Variants in DCUN1D1 observed in about 807,000 individuals in gnomAD.
DCUN1D1 encodes DCN1-like protein 1.
Under a neutral mutation model 39.0 loss-of-function variants are expected in DCUN1D1, and 3 were observed. That is an observed-to-expected ratio of 0.08 (90% CI 0.04 to 0.20). The LOEUF is 0.20. Among genes scored for constraint, DCUN1D1 ranks in the 10% least tolerant of loss-of-function variants. The probability of loss-of-function intolerance (pLI) is 1.00; values close to 1 mark genes in which losing one functional copy is unlikely to be tolerated. For synonymous variants in DCUN1D1, 82 were observed against 96.3 expected (o/e 0.85, Z 0.87); for missense variants, 158 against 302.4 (o/e 0.52, Z 3.54).
At chr3:182,951,696 C>CTT (rs1316828811) in intron 4 of DCUN1D1, among the ~76,000 whole-genome samples, 14 of 109,388 alleles carry the variant, frequency 1.3e-4, no homozygotes, top group African/African-American at 1.7e-4. Flanking sequence ...AAGATAATTT[C>CTT]TTTTTTTTTT....
At chr3:182,977,766 G>A (rs1015147783) in intron 1 of DCUN1D1, among the ~76,000 whole-genome samples, 2 of 151,880 alleles carry the variant, frequency 1.3e-5, no homozygotes, top group Non-Finnish European at 2.9e-5. Context: ...TCAGGCTGGC[G>A]TGGTGGCTCA....
chr3:182,984,788 C>A (rs1166851081), upstream of DCUN1D1, among the ~76,000 whole-genome samples: 1 of 152,192 alleles, frequency 6.6e-6, no homozygotes, highest in Non-Finnish European at 1.5e-5. Context: ...GTAAAGATTT[C>A]ATACTTCTAG....
intron 6 of DCUN1D1, among the ~76,000 whole-genome samples, chr3:182,945,822 T>C (rs1726368806): frequency 1.3e-5 from 2 of 152,192 alleles, no homozygotes; most frequent in Admixed American, 6.5e-5. Context: ...CACATTCACA[T>C]GCCCATCACC....
rs1441392624 is a variant in DCUN1D1 at position 182,956,410 on chromosome 3, CAAT to C, written c.520+4813_520+4815del. ...TAACACAAAATAACAACAACAACAACAATAAAACACAGAATGTGGAGTCATAAG... is the reference window on the plus strand; with the variant it reads ...TAACACAAAATAACAACAACAACAACAAAACACAGAATGTGGAGTCATAAG... On this transcript the variant is annotated intron_variant, in intron 4 of 6. Coordinates refer to ENST00000292782, the MANE Select transcript of DCUN1D1 (RefSeq NM_020640.4). The C allele has an allele frequency of 3.5e-5, 7 of 200,110 alleles. No homozygotes were observed. The East Asian group carries it at 7.0e-4, about 20-fold the overall frequency. 12.4% of individuals were successfully genotyped at this position (200,110 alleles called of 1,614,324 possible).
rs1331579978 is a variant in DCUN1D1, at chr3:182,948,466, A to G, written c.521-834T>C. 2.0e-5 allele frequency among the ~76,000 whole-genome samples: 3 copies of G among 152,076 alleles called. No homozygotes were observed. The East Asian group carries it at 5.8e-4, about 29-fold the overall frequency. ...CGACAGAGAACTACACTTATCACACAACAGAGAACTACGCTTACCACACAA... is the reference window on the plus strand; with the variant it reads ...CGACAGAGAACTACACTTATCACACGACAGAGAACTACGCTTACCACACAA... On this transcript the variant is annotated intron_variant, in intron 4 of 6. Coordinates refer to ENST00000292782, the MANE Select transcript of DCUN1D1 (RefSeq NM_020640.4).
chr3:182,955,190 G>A (rs930307755), intron 4 of DCUN1D1, among the ~76,000 whole-genome samples: 8 of 151,746 alleles, frequency 5.3e-5, no homozygotes, highest in Non-Finnish European at 8.8e-5. Flanking sequence ...ACAGGCATGC[G>A]CCACCACACC....
chr3:182,974,246 C>A (rs1337919066), intron 1 of DCUN1D1, among the ~76,000 whole-genome samples: 1 of 151,772 alleles, frequency 6.6e-6, no homozygotes, highest in Admixed American at 6.6e-5. Context: ...AGAGTGAGAC[C>A]CTGTCTCAAA....
In DCUN1D1 at chr3:182,941,936, T is replaced by C. The variant is rs1474226805; in HGVS notation, c.*3158A>G. On this transcript the variant is annotated 3_prime_UTR_variant, in exon 7 of 7. Coordinates refer to ENST00000292782, the MANE Select transcript of DCUN1D1 (RefSeq NM_020640.4). ...TTAAAAACCTAAGCAAAGTGTACATTAAGTTAGCTACTACTACTCACTTCT... is the reference window on the plus strand; with the variant it reads ...TTAAAAACCTAAGCAAAGTGTACATCAAGTTAGCTACTACTACTCACTTCT... The C allele has an allele frequency of 6.6e-6, 1 of 152,118 alleles. No individual in the cohort carries two copies. The highest frequency in any genetic ancestry group is 1.5e-5 in the Non-Finnish European group (1 of 67,952). The allele number at this position is 152,118 out of a possible 1,614,324, so 9.4% of individuals were successfully genotyped here.
chr3:182,965,838 G>T (rs1040989385), intron 1 of DCUN1D1, 85 bp from the exon 2 acceptor site: 1 of 847,072 alleles, frequency 1.2e-6, no homozygotes. Context: ...AACATTCTTA[G>T]TAATACTTTT....
upstream of DCUN1D1, among the ~76,000 whole-genome samples, chr3:182,982,363 G>C (rs760818161): frequency 3.3e-5 from 5 of 152,096 alleles, no homozygotes; most frequent in African/African-American, 7.2e-5. Context: ...CCCATATCAA[G>C]AGGAATCTCA....
upstream of DCUN1D1, chr3:182,980,541 A>ACGGCGG (rs750985794): frequency 1.7e-4 from 206 of 1,219,282 alleles, no homozygotes; most frequent in Middle Eastern, 4.9e-4. Flanking sequence ...CAGCGAATGG[A>ACGGCGG]CGGCGGCGGC....
intron 1 of DCUN1D1, among the ~76,000 whole-genome samples, chr3:182,971,507 A>T (rs755764932): frequency 5.3e-5 from 8 of 151,398 alleles, no homozygotes; most frequent in Non-Finnish European, 1.2e-4. Context: ...CGGGAGATAG[A>T]GGCTGCAGTG....
upstream of DCUN1D1, among the ~76,000 whole-genome samples, chr3:182,982,899 C>T (rs116419598): frequency 0.032 from 4,868 of 152,246 alleles, 258 homozygotes; most frequent in African/African-American, 0.11. Flanking sequence ...CCACCTCGGT[C>T]TCCCAAAGTA....
chr3:182,952,517 G>A (rs1726806597), intron 4 of DCUN1D1, among the ~76,000 whole-genome samples: 2 of 152,074 alleles, frequency 1.3e-5, no homozygotes, highest in African/African-American at 4.8e-5. Flanking sequence ...CTTCAACTCA[G>A]GAGGGCTCAA....
At chr3:182,973,217 T>C (rs1728040050) in intron 1 of DCUN1D1, among the ~76,000 whole-genome samples, 1 of 152,104 alleles carries the variant, frequency 6.6e-6, no homozygotes, top group African/African-American at 2.4e-5. Flanking sequence ...ACTAAGTGAC[T>C]AACAGTGGGC....
chr3:182,961,382 A>G (rs772501205), intron 3 of DCUN1D1, 26 bp from the exon 4 acceptor site: 1 of 1,558,048 alleles, frequency 6.4e-7, no homozygotes, highest in South Asian at 1.2e-5. Flanking sequence ...AAGTTTATAA[A>G]AGATTAACTG....
rs1270811104 is a variant in DCUN1D1, at chr3:182,944,950, T to C, written c.*144A>G. The C allele has an allele frequency of 1.0e-5, 7 of 668,872 alleles. No individual in the cohort carries two copies. The highest frequency in any genetic ancestry group is 1.8e-5 in the Non-Finnish European group (7 of 389,306). 41.4% of individuals were successfully genotyped at this position (668,872 alleles called of 1,614,324 possible). On this transcript the variant is annotated 3_prime_UTR_variant, in exon 7 of 7. Transcript: ENST00000292782. ...GAATGAAATACGATATGGTCCAAGA[T>C]GTATCCTTAAAGTTTTGTCTCAACC...
At chr3:182,961,082 A>G in intron 4 of DCUN1D1, 144 bp downstream of exon 4, 1 of 614,418 alleles carries the variant, frequency 1.6e-6, no homozygotes. Flanking sequence ...TCTGATTAAA[A>G]ATTTCCTGTT....
intron 1 of DCUN1D1, among the ~76,000 whole-genome samples, chr3:182,978,580 G>A (rs1308319853): frequency 6.6e-6 from 1 of 151,976 alleles, no homozygotes; most frequent in African/African-American, 2.4e-5. Flanking sequence ...ACTATGTTGC[G>A]CAGGCTGGTC....
Sources: gnomAD v4.1 joint callset for allele counts (sites outside exome capture counted in the v4.1 genomes callset) on GRCh38, gnomAD v4.1.1 for gene constraint, MANE v1.5 for transcripts, NCBI Gene and HGNC (gene_info 2026-07-23, HGNC 2026-07-21) for gene names.